RNF217: variants seen among roughly 807,000 people sequenced by gnomAD.
RNF217 encodes E3 ubiquitin-protein ligase RNF217.
A neutral mutation model predicts 57.8 loss-of-function variants in RNF217; 31 were observed. That is an observed-to-expected ratio of 0.54 (90% confidence interval 0.40 to 0.72). RNF217 has a LOEUF of 0.72. Ranked by LOEUF, RNF217 falls within the 30% of genes least tolerant of loss-of-function variation. The probability of loss-of-function intolerance (pLI) is 0.00; values close to 1 mark genes in which losing one functional copy is unlikely to be tolerated. For missense variants in RNF217, 696 were observed against 708.3 expected (o/e 0.98, Z 0.20); for synonymous variants, 313 against 294.0 (o/e 1.06, Z -0.66).
chr6:125,089,760 G>A lies in RNF217; in HGVS notation c.*6823G>A, dbSNP rs1788878530. 6.6e-6 allele frequency: 1 copy of A among 152,238 alleles called. No homozygotes were observed. The highest frequency in any genetic ancestry group is 6.5e-5 in the Admixed American group (1 of 15,290). 9.4% of individuals were successfully genotyped at this position (152,238 alleles called of 1,614,324 possible). A position where few individuals can be genotyped will look rare whatever the true frequency, so the allele number is the denominator to read the frequency against. On this transcript the variant is annotated 3_prime_UTR_variant, in exon 6 of 6. Coordinates refer to ENST00000521654, the MANE Select transcript of RNF217 (RefSeq NM_001286398.3). Reference sequence around the variant, plus strand: ...GCTGTCATTGGTTCTCTGCGAATCTGTGATGTGTTCACTTCGCCATGCCCC... The same window carrying A: ...GCTGTCATTGGTTCTCTGCGAATCTATGATGTGTTCACTTCGCCATGCCCC...
chr6:124,991,256 G>T (rs905721346), intron 1 of RNF217, among the ~76,000 whole-genome samples: 2 of 152,206 alleles, frequency 1.3e-5, no homozygotes, highest in Non-Finnish European at 2.9e-5. Flanking sequence ...CAGCTTCTCG[G>T]ACTCTTTGCT....
At chr6:125,069,924 G>A (rs1788075093) in intron 3 of RNF217, among the ~76,000 whole-genome samples, 1 of 152,008 alleles carries the variant, frequency 6.6e-6, no homozygotes, top group African/African-American at 2.4e-5. Flanking sequence ...ATTCTTTAGT[G>A]GTGATTTCTG....
At chr6:125,076,942 T>G (rs1194396054) in intron 4 of RNF217, 84 bp downstream of exon 4, 1 of 1,141,592 alleles carries the variant, frequency 8.8e-7, no homozygotes, top group Non-Finnish European at 1.3e-6. Context: ...CCATGGTAAT[T>G]CAGAGCACCT....
intron 1 of RNF217, among the ~76,000 whole-genome samples, chr6:125,035,532 C>A (rs1467732851): frequency 6.6e-6 from 1 of 152,156 alleles, no homozygotes; most frequent in Non-Finnish European, 1.5e-5. Flanking sequence ...TTTCTCATTG[C>A]TTTGGAGTTC....
chr6:125,073,322 G>T (rs547536116), intron 3 of RNF217, among the ~76,000 whole-genome samples: 14 of 152,232 alleles, frequency 9.2e-5, no homozygotes, highest in African/African-American at 3.1e-4. Context: ...AACAACAGAG[G>T]GTAAGTGCTG....
chr6:125,013,995 ATTTAT>A (rs904437800), intron 1 of RNF217, among the ~76,000 whole-genome samples: 1 of 152,186 alleles, frequency 6.6e-6, no homozygotes, highest in Admixed American at 6.5e-5. Context: ...TATAAAAGAA[ATTTAT>A]TTTATTTAAG....
intron 3 of RNF217, among the ~76,000 whole-genome samples, chr6:125,070,272 T>C (rs1788087861): frequency 6.6e-6 from 1 of 152,216 alleles, no homozygotes; most frequent in Admixed American, 6.5e-5. Flanking sequence ...GTACTTAGAT[T>C]GGTTCCACAT....
Position 125,083,045 on chromosome 6 carries a change from A to T in RNF217, c.*108A>T. On this transcript the variant is annotated 3_prime_UTR_variant, in exon 6 of 6. Transcript: ENST00000521654. ...AAAACACTGAGAGGAACCTTCTACC[A>T]TCTCATCTCCCAGTGATTCTCCGTG... 1.5e-6 allele frequency: 1 copy of T among 680,102 alleles called. No homozygotes were observed. Among genetic ancestry groups the T allele is most frequent in the East Asian group, 3.0e-5 (1 of 32,962 alleles). 42.1% of individuals were successfully genotyped at this position (680,102 alleles called of 1,614,324 possible). A position where few individuals can be genotyped will look rare whatever the true frequency, so the allele number is the denominator to read the frequency against.
chr6:125,004,945 G>A (rs944129133), intron 1 of RNF217, among the ~76,000 whole-genome samples: 1 of 152,160 alleles, frequency 6.6e-6, no homozygotes, highest in African/African-American at 2.4e-5. Flanking sequence ...TTGGCTTATG[G>A]TTCTGGAGGA....
intron 4 of RNF217, 93 bp downstream of exon 4, chr6:125,076,951 C>A: frequency 9.5e-7 from 1 of 1,054,962 alleles, no homozygotes; most frequent in Non-Finnish European, 1.5e-6. Flanking sequence ...TTCAGAGCAC[C>A]TGCCATGTGC....
intron 1 of RNF217, among the ~76,000 whole-genome samples, chr6:125,038,376 T>C (rs185402521): frequency 1.3e-5 from 2 of 152,308 alleles, no homozygotes; most frequent in Non-Finnish European, 2.9e-5. Flanking sequence ...TATGGTATCA[T>C]GGTTATGGTT....
chr6:124,976,989 G>GT (rs1035531631), intron 1 of RNF217, among the ~76,000 whole-genome samples: 3 of 152,074 alleles, frequency 2.0e-5, no homozygotes, highest in Non-Finnish European at 1.5e-5. Context: ...TACTTTGCTC[G>GT]TTTTTTTGTT....
chr6:125,062,442 T>C (rs918682370), intron 3 of RNF217, among the ~76,000 whole-genome samples: 2 of 152,156 alleles, frequency 1.3e-5, no homozygotes, highest in African/African-American at 2.4e-5. Flanking sequence ...ATGATTTTTA[T>C]AGTACGATAA....
chr6:125,042,570 A>G (rs1786924792), intron 1 of RNF217, among the ~76,000 whole-genome samples: 1 of 152,082 alleles, frequency 6.6e-6, no homozygotes, highest in Non-Finnish European at 1.5e-5. Flanking sequence ...AAGCAAGAGG[A>G]AGTAATATAT....
intron 1 of RNF217, among the ~76,000 whole-genome samples, chr6:125,006,795 A>G (rs1295024539): frequency 6.6e-6 from 1 of 152,180 alleles, no homozygotes; most frequent in Non-Finnish European, 1.5e-5. Context: ...CTAAAAATAC[A>G]AAAATTAGCC....
Position 125,005,918 on chromosome 6 carries a change from C to T in RNF217, c.883-39293C>T, listed in dbSNP as rs115262945. Among the ~76,000 whole-genome samples, 80 of 152,224 alleles carry T rather than the reference C, an allele frequency of 5.3e-4. 2 individuals carry two copies. Among genetic ancestry groups the T allele is most frequent in the African/African-American group, 1.8e-3 (74 of 41,542 alleles). ...CACTCTAAGAATAGTATTTAAAATTCAGATAAAAATCATTTATACTGTGCC... is the reference window on the plus strand; with the variant it reads ...CACTCTAAGAATAGTATTTAAAATTTAGATAAAAATCATTTATACTGTGCC... On this transcript the variant is annotated intron_variant, in intron 1 of 5. Transcript: ENST00000521654.
intron 3 of RNF217, among the ~76,000 whole-genome samples, chr6:125,065,182 T>C (rs1419504870): frequency 6.6e-6 from 1 of 151,176 alleles, no homozygotes; most frequent in East Asian, 1.9e-4. Flanking sequence ...TCCCAGCTAC[T>C]TGGGAGGCTG....
chr6:124,977,313 A>C (rs1784004439), intron 1 of RNF217, among the ~76,000 whole-genome samples: 1 of 152,244 alleles, frequency 6.6e-6, no homozygotes, highest in African/African-American at 2.4e-5. Flanking sequence ...GCAACAGTGC[A>C]TACTTGTGCA....
chr6:124,978,924 G>T (rs1784061213), intron 1 of RNF217, among the ~76,000 whole-genome samples: 1 of 152,198 alleles, frequency 6.6e-6, no homozygotes. Context: ...TGCCTGTGTG[G>T]CTGAGTCCAA....
Sources: allele counts gnomAD v4.1 joint callset (sites outside exome capture counted in the v4.1 genomes callset), GRCh38; gene constraint gnomAD v4.1.1; transcripts MANE v1.5; gene names NCBI Gene and HGNC (gene_info 2026-07-23, HGNC 2026-07-21).